Variants in PHF1 observed in about 807,000 individuals in gnomAD.
PHF1 encodes PHD finger protein 1, also known as polycomb-like 1.
PHF1 carries 16 observed loss-of-function variants against 69.4 expected under a neutral mutation model. The ratio of observed to expected loss-of-function variants is 0.23; its 90% CI spans 0.16 to 0.35. The LOEUF (loss-of-function observed/expected upper bound fraction) is 0.35. Among genes scored for constraint, PHF1 ranks in the 10% least tolerant of loss-of-function variants. PHF1 has a pLI of 1.00. For missense variants in PHF1, 515 were observed against 732.8 expected, an observed-to-expected ratio of 0.70 and a Z score of 3.43; for synonymous variants, 274 against 275.0, an observed-to-expected ratio of 1.00 and a Z score of 0.04.
rs1205605270 is a variant in PHF1, at chr6:33,413,440, C to G, written c.470C>G (p.Ala157Gly). Reference sequence around the variant, plus strand: ...GGTGCCCTGAAGAAGGGCCCCTATGCCCGGGCCATGCTGGGTATGAAGCTT... The same window carrying G: ...GGTGCCCTGAAGAAGGGCCCCTATGGCCGGGCCATGCTGGGTATGAAGCTT... Reference protein sequence around the residue: ...RGGALKKGPYARAMLGMKLSL... With the variant: ...RGGALKKGPYGRAMLGMKLSL... Residue 157 changes from alanine to glycine, a missense_variant, in exon 6 of 15, where the codon GCC becomes GGC. Physicochemically the swap from Ala to Gly is moderately conservative, Grantham distance 60. Around this residue, in one of 5 missense-constraint regions of PHF1, gnomAD observed 142 missense variants for 309.7 expected, o/e 0.46. Coordinates refer to ENST00000374516, the MANE Select transcript of PHF1 (RefSeq NM_024165.3). 2 of 1,614,220 alleles carry G rather than the reference C, an allele frequency of 1.2e-6. No homozygotes were observed. Among genetic ancestry groups the G allele is most frequent in the South Asian group, 2.2e-5 (2 of 91,088 alleles).
At chr6:33,413,650 CA>C in intron 6 of PHF1, 85 bp from the exon 7 acceptor site, 2 of 1,598,352 alleles carry the variant, frequency 1.3e-6, no homozygotes, top group Middle Eastern at 3.3e-4. Flanking sequence ...GGGTAGCACT[CA>C]GGGGGATAGG....
chr6:33,415,213 A>G, intron 12 of PHF1, 22 bp from the exon 13 acceptor site: 1 of 1,612,282 alleles, frequency 6.2e-7, no homozygotes, highest in Non-Finnish European at 8.5e-7. Flanking sequence ...ATTATCTCTC[A>G]GTCCTTTGCC....
chr6:33,410,428 G>T, upstream of PHF1: 1 of 151,918 alleles, frequency 6.6e-6, no homozygotes, highest in Non-Finnish European at 1.5e-5. Flanking sequence ...CACGGGAAGC[G>T]GCGCGCACGC....
chr6:33,415,380 A>G (rs1581951138), intron 13 of PHF1, 51 bp downstream of exon 13: 2 of 1,430,990 alleles, frequency 1.4e-6, no homozygotes, highest in Non-Finnish European at 9.8e-7. Context: ...AATTATTCAC[A>G]TCTTCTGGAC....
intron 1 of PHF1, among the ~76,000 whole-genome samples, chr6:33,411,556 C>T (rs576352183): frequency 4.2e-4 from 64 of 152,218 alleles, no homozygotes; most frequent in Admixed American, 9.8e-4. Context: ...CAAAACACGT[C>T]TCTGGGCAAC....
rs1776286812 is a variant in PHF1 at position 33,414,409 on chromosome 6, G to C, written c.876+43G>C. 6.2e-7 allele frequency: 1 copy of C among 1,613,866 alleles called. No individual in the cohort carries two copies. The highest frequency in any genetic ancestry group is 8.5e-7 in the Non-Finnish European group (1 of 1,179,838). The stretch of plus-strand genomic sequence containing the variant: ...TTTGGGGGTTGGGATGGGACAGGGA[G>C]ATGTAGCGGAAAGGGGAAGAGAAGA... On this transcript the variant is annotated intron_variant, in intron 9 of 14. Transcript: ENST00000374516. This position sits in a 1 kb window ranked among gnomAD's most constrained non-coding sequence, Gnocchi z 5.0.
At position 33,414,631 on chromosome 6, in the gene PHF1, C is replaced by T. The variant is rs1005759829; in HGVS notation, c.944+87C>T. On this transcript the variant is annotated intron_variant, in intron 10 of 14. Transcript: ENST00000374516. The surrounding 1 kb of genome is among the most constrained non-coding windows in gnomAD (Gnocchi z 5.0). ...GGAAGGGGAGGGGCTTGCAACCCAC[C>T]TGGAAGACTGTGACTGAAAAGGATT... 6.6e-7 allele frequency: 1 copy of T among 1,525,788 alleles called. No homozygotes were observed. Among genetic ancestry groups the T allele is most frequent in the Non-Finnish European group, 9.0e-7 (1 of 1,116,836 alleles). The allele number at this position is 1,525,788 out of a possible 1,614,324, so 94.5% of individuals were successfully genotyped here.
Position 33,414,502 on chromosome 6 carries a change from G to A in PHF1, c.902G>A (p.Arg301His). ...GELSDTPKGERSSRLLSALNS... is the reference protein window; with the variant it reads ...GELSDTPKGEHSSRLLSALNS... ...CTTTCAGACACCCCCAAAGGAGAAC[G>A]TTCTTCCAGGCTCCTCTCTGCTCTT... The change falls in exon 10 of 15, where the codon CGT becomes CAT. Residue 301 changes from arginine to histidine, a missense_variant. Transcript: ENST00000374516. The surrounding 1 kb of genome is among the most constrained non-coding windows in gnomAD (Gnocchi z 5.0). 6.2e-7 allele frequency: 1 copy of A among 1,613,930 alleles called. No homozygotes were observed. Among genetic ancestry groups the A allele is most frequent in the Non-Finnish European group, 8.5e-7 (1 of 1,179,926 alleles).
At chr6:33,415,497 C>T (rs1776399149) in intron 13 of PHF1, 93 bp from the exon 14 acceptor site, 2 of 1,377,526 alleles carry the variant, frequency 1.5e-6, no homozygotes, top group South Asian at 1.2e-5. Flanking sequence ...GGAAGGGAGT[C>T]CCTTGGGGGT....
chr6:33,410,682 G>T (rs1369542899), upstream of PHF1: 1 of 143,150 alleles, frequency 7.0e-6, no homozygotes, highest in Non-Finnish European at 1.5e-5. Flanking sequence ...GACCATGGGG[G>T]GTGGGGCAGC....
intron 4 of PHF1, 118 bp from the exon 5 acceptor site, chr6:33,413,078 A>C: frequency 1.1e-6 from 1 of 933,862 alleles, no homozygotes; most frequent in Non-Finnish European, 1.7e-6. Flanking sequence ...AAATAAGGAT[A>C]ATGCACCCCC....
At position 33,416,018 on chromosome 6, in the gene PHF1, G is replaced by GT; in HGVS notation, c.1625dup (p.Arg543ProfsTer10). The GT allele has an allele frequency of 6.2e-7, 1 of 1,613,116 alleles. No homozygotes were observed. The highest frequency in any genetic ancestry group is 8.5e-7 in the Non-Finnish European group (1 of 1,179,366). The stretch of plus-strand genomic sequence containing the variant: ...TGGTTACCTGTCCCGAGGGGACCCT[G>GT]TCCGGGTCCTTGCTCGGAGAGTACG... On this transcript the variant is annotated frameshift_variant, in exon 15 of 15. Coordinates refer to ENST00000374516, the MANE Select transcript of PHF1 (RefSeq NM_024165.3). LOFTEE classifies it high-confidence loss of function.
chr6:33,415,540 A>G, intron 13 of PHF1, 50 bp from the exon 14 acceptor site: 1 of 1,573,798 alleles, frequency 6.4e-7, no homozygotes, highest in Non-Finnish European at 8.7e-7. Context: ...CAGGGGGAGA[A>G]GGTCCTGTTC....
Position 33,415,062 on chromosome 6 carries a change from A to C in PHF1, c.1157A>C (p.Glu386Ala). ...AGGAGGCAGAAGGGGAAAGTGGAGG[A>C]GCTGGGGCCACCCTCAGCAGTGCGC... ...LRRRQKGKVE[E>A]LGPPSAVRNQ... Residue 386 changes from glutamate (E) to alanine (A), a missense_variant, in exon 12 of 15, where the codon GAG becomes GCG. This residue lies in a region of PHF1 where 274 missense variants were observed against 304.5 expected (regional missense o/e 0.90). Coordinates refer to ENST00000374516, the MANE Select transcript of PHF1 (RefSeq NM_024165.3). The C allele has an allele frequency of 5.6e-6, 9 of 1,607,664 alleles. No individual in the cohort carries two copies. Among genetic ancestry groups the C allele is most frequent in the Non-Finnish European group, 7.6e-6 (9 of 1,177,150 alleles).
rs753093450 is a variant in PHF1, at chr6:33,412,501, A to G, written c.160-7A>G. On this transcript the variant is annotated splice_polypyrimidine_tract_variant and splice_region_variant and intron_variant, in intron 2 of 14. Coordinates refer to ENST00000374516, the MANE Select transcript of PHF1 (RefSeq NM_024165.3). The surrounding 1 kb of genome is among the most constrained non-coding windows in gnomAD (Gnocchi z 4.2). ...CCCATTTCATCCTGTTTGCTCACCC[A>G]TTCCAGGTGGACAGTGCTAGGGAGG... The G allele has an allele frequency of 3.7e-6, 6 of 1,614,068 alleles. No individual in the cohort carries two copies. Among genetic ancestry groups the G allele is most frequent in the Non-Finnish European group, 5.1e-6 (6 of 1,180,024 alleles).
At chr6:33,413,997 G>C in intron 7 of PHF1, 44 bp from the exon 8 acceptor site, 1 of 1,611,822 alleles carries the variant, frequency 6.2e-7, no homozygotes. Flanking sequence ...GGATGGCACA[G>C]TTTTCCTGTG....
chr6:33,412,288 C>A lies in PHF1; in HGVS notation c.25C>A (p.Arg9Ser). The change falls in exon 2 of 15, where the codon CGC (arginine) becomes AGC (serine). Residue 9 changes from arginine (R) to serine (S), a missense_variant. By Grantham distance (110) the Arg-to-Ser change is moderately radical. Transcript: ENST00000374516. The surrounding 1 kb of genome is among the most constrained non-coding windows in gnomAD (Gnocchi z 4.2). MAQPPRLSRSGASSLWDPA... is the reference protein window; with the variant it reads MAQPPRLSSSGASSLWDPA... ...AATGGCGCAGCCCCCCCGGCTGAGC[C>A]GCTCTGGTGCCTCCTCACTTTGGGA... 1 of 1,614,002 alleles carries A rather than the reference C, an allele frequency of 6.2e-7. No homozygotes were observed. Among genetic ancestry groups the A allele is most frequent in the South Asian group, 1.1e-5 (1 of 91,082 alleles).
rs753516195 is a variant in PHF1, at chr6:33,414,857, A to T, written c.1049+28A>T. 5 of 1,557,216 alleles carry T rather than the reference A, an allele frequency of 3.2e-6. No homozygotes were observed. Among genetic ancestry groups the T allele is most frequent in the East Asian group, 4.8e-5 (2 of 41,880 alleles). On this transcript the variant is annotated intron_variant, in intron 11 of 14. Coordinates refer to ENST00000374516, the MANE Select transcript of PHF1 (RefSeq NM_024165.3). This position sits in a 1 kb window ranked among gnomAD's most constrained non-coding sequence, Gnocchi z 5.0. ...CACTGGTCCAGGGGGGATGGGGGAA[A>T]TTCTCAGGGTGTTAGTCCTGGGGGG...
At position 33,415,797 on chromosome 6, in the gene PHF1, C is replaced by T. The variant is rs1345024044; in HGVS notation, c.1416-13C>T. 1.9e-6 allele frequency: 3 copies of T among 1,594,874 alleles called. No individual in the cohort carries two copies. The highest frequency in any genetic ancestry group is 3.4e-5 in the Admixed American group (2 of 59,100). On this transcript the variant is annotated splice_polypyrimidine_tract_variant and intron_variant, in intron 14 of 14. Transcript: ENST00000374516. ...ATTTCTGCCCATTTCTTACAATTGCCTTCTCTCCCTAGGTCACCCCTGGAA... is the reference window on the plus strand; with the variant it reads ...ATTTCTGCCCATTTCTTACAATTGCTTTCTCTCCCTAGGTCACCCCTGGAA...
Sources: allele counts gnomAD v4.1 joint callset (sites outside exome capture counted in the v4.1 genomes callset), GRCh38; gene constraint gnomAD v4.1.1; regional missense constraint gnomAD v4.1.1; non-coding constraint Gnocchi (gnomAD v3.1); transcripts MANE v1.5; gene names NCBI Gene and HGNC (gene_info 2026-07-23, HGNC 2026-07-21).